The following TYR variants were observed in gnomAD, a reference collection of about 807,000 sequenced individuals.
TYR encodes the protein tyrosinase.
In TYR, 58 loss-of-function variants were observed where a neutral mutation model predicts 51.5. The observed-to-expected ratio is 1.13, with a 90% CI of 0.91 to 1.40. TYR has a LOEUF of 1.40. Ranked by LOEUF, TYR falls within the 40% of genes most tolerant of loss-of-function variation. The pLI, the probability that TYR is intolerant of heterozygous loss-of-function variation, is 0.00. For missense variants in TYR, 732 were observed against 647.4 expected (o/e 1.13, Z -1.42); for synonymous variants, 263 against 235.2 (o/e 1.12, Z -1.08).
chr11:89,292,597 A>G (rs1944863036), intron 4 of TYR, among the ~76,000 whole-genome samples: 1 of 152,086 alleles, frequency 6.6e-6, no homozygotes. Flanking sequence ...ACGATTGACC[A>G]CTATTCACCT....
intron 3 of TYR, among the ~76,000 whole-genome samples, chr11:89,264,340 C>T (rs1327248283): frequency 1.3e-5 from 2 of 151,870 alleles, no homozygotes; most frequent in African/African-American, 2.4e-5. Context: ...CTCCAGATGA[C>T]TTATTTATCA....
At chr11:89,253,111 A>AT (rs1468447022) in intron 3 of TYR, among the ~76,000 whole-genome samples, 3 of 151,666 alleles carry the variant, frequency 2.0e-5, no homozygotes, top group Non-Finnish European at 4.4e-5. Context: ...CTGGATTAGA[A>AT]TTTCTCTTAA....
Position 89,273,997 on chromosome 11 carries a change from A to C in TYR, c.1185-10776A>C, listed in dbSNP as rs527601697. 3.3e-5 allele frequency among the ~76,000 whole-genome samples: 5 copies of C among 149,698 alleles called. No homozygotes were observed. In the South Asian group the frequency reaches 8.3e-4, roughly 25 times the overall value. On this transcript the variant is annotated intron_variant, in intron 3 of 4. Transcript: ENST00000263321. ...ATCTCTTTAAAGATCTTATCTCCAA[A>C]TAAAGTAACATTCTGAAGTATTAAG...
intron 2 of TYR, among the ~76,000 whole-genome samples, chr11:89,203,980 C>T (rs1943635572): frequency 6.6e-6 from 1 of 152,168 alleles, no homozygotes; most frequent in African/African-American, 2.4e-5. Context: ...TCCTCAATTC[C>T]CTTCCAGGGT....
At chr11:89,273,859 A>G (rs2135316732) in intron 3 of TYR, among the ~76,000 whole-genome samples, 1 of 151,786 alleles carries the variant, frequency 6.6e-6, no homozygotes, top group South Asian at 2.1e-4. Flanking sequence ...TCTTTTTCCT[A>G]TGTCTTCACA....
intron 3 of TYR, among the ~76,000 whole-genome samples, chr11:89,277,238 AT>A (rs1944665791): frequency 6.6e-6 from 1 of 151,776 alleles, no homozygotes; most frequent in African/African-American, 2.4e-5. Flanking sequence ...CATGAAAAAA[AT>A]AAATAATAAT....
At chr11:89,199,835 C>T (rs117870021) in intron 2 of TYR, among the ~76,000 whole-genome samples, 23 of 152,246 alleles carry the variant, frequency 1.5e-4, no homozygotes, top group Middle Eastern at 3.4e-3. Flanking sequence ...ATGATTTGAA[C>T]TCACTGCTGT....
At chr11:89,186,559 G>A (rs1173587024) in intron 1 of TYR, among the ~76,000 whole-genome samples, 1 of 152,092 alleles carries the variant, frequency 6.6e-6, no homozygotes, top group East Asian at 1.9e-4. Flanking sequence ...CATCCCTGGT[G>A]GGGTCCTTGG....
At chr11:89,275,460 G>A (rs1305068680) in intron 3 of TYR, among the ~76,000 whole-genome samples, 1 of 151,896 alleles carries the variant, frequency 6.6e-6, no homozygotes, top group Non-Finnish European at 1.5e-5. Context: ...TGGAACCCCA[G>A]ATCTTCTACT....
intron 2 of TYR, among the ~76,000 whole-genome samples, chr11:89,211,933 G>T (rs1318675782): frequency 6.6e-6 from 1 of 152,176 alleles, no homozygotes; most frequent in Non-Finnish European, 1.5e-5. Context: ...GAATCTCTGG[G>T]ACACATTTAA....
intron 3 of TYR, among the ~76,000 whole-genome samples, chr11:89,265,084 A>G (rs1370018761): frequency 3.3e-5 from 5 of 152,066 alleles, no homozygotes; most frequent in Admixed American, 3.3e-4. Context: ...AGTATACCTA[A>G]TAACAACTTC....
intron 4 of TYR, among the ~76,000 whole-genome samples, chr11:89,293,399 A>C (rs144965879): frequency 6.6e-6 from 1 of 151,766 alleles, no homozygotes; most frequent in Non-Finnish European, 1.5e-5. Flanking sequence ...GGATAAACGC[A>C]AGTTCTGATT....
intron 3 of TYR, among the ~76,000 whole-genome samples, chr11:89,230,034 A>G (rs1178870090): frequency 1.3e-5 from 2 of 152,116 alleles, no homozygotes; most frequent in African/African-American, 4.8e-5. Context: ...AAAAATAGAA[A>G]AACAGTCTTC....
intron 2 of TYR, among the ~76,000 whole-genome samples, chr11:89,194,655 T>C (rs1183869144): frequency 8.4e-6 from 1 of 119,386 alleles, no homozygotes; most frequent in Admixed American, 8.6e-5. Context: ...ATTTTTTCTA[T>C]CTATCTATCT....
intron 2 of TYR, among the ~76,000 whole-genome samples, chr11:89,198,464 T>C (rs1943553820): frequency 6.6e-6 from 1 of 151,938 alleles, no homozygotes; most frequent in Non-Finnish European, 1.5e-5. Flanking sequence ...CAGGAAAACC[T>C]TTCCGGGCCT....
At chr11:89,180,901 A>G (rs1565387824) in intron 1 of TYR, among the ~76,000 whole-genome samples, 1 of 152,148 alleles carries the variant, frequency 6.6e-6, no homozygotes, top group Non-Finnish European at 1.5e-5. Flanking sequence ...ACATTGCTTT[A>G]ATTCAGAGTT....
At chr11:89,208,747 A>T (rs1198565874) in intron 2 of TYR, among the ~76,000 whole-genome samples, 2 of 152,200 alleles carry the variant, frequency 1.3e-5, no homozygotes, top group African/African-American at 2.4e-5. Flanking sequence ...CTTCTAAAAC[A>T]TATCTAATGA....
intron 3 of TYR, among the ~76,000 whole-genome samples, chr11:89,239,971 A>G (rs1944170306): frequency 6.6e-6 from 1 of 152,160 alleles, no homozygotes; most frequent in Non-Finnish European, 1.5e-5. Context: ...ATCTATCCTT[A>G]TGATAAACCA....
At chr11:89,270,162 T>C (rs371478798) in intron 3 of TYR, among the ~76,000 whole-genome samples, 3 of 152,050 alleles carry the variant, frequency 2.0e-5, no homozygotes, top group Admixed American at 6.6e-5. Flanking sequence ...ATAATATCCT[T>C]CCTTTCAATC....
Sources: gnomAD v4.1 joint callset for allele counts (sites outside exome capture counted in the v4.1 genomes callset) on GRCh38, gnomAD v4.1.1 for gene constraint, MANE v1.5 for transcripts, NCBI Gene and HGNC (gene_info 2026-07-23, HGNC 2026-07-21) for gene names.